Variants in LOXHD1 observed in about 807,000 individuals in gnomAD.
LOXHD1 encodes the protein lipoxygenase homology PLAT domains 1.
A neutral mutation model predicts 248.2 loss-of-function variants in LOXHD1; 205 were observed. That is an observed-to-expected ratio of 0.83 (90% CI 0.74 to 0.93). LOXHD1 has a LOEUF of 0.93. Ranked by LOEUF, LOXHD1 falls within the 40% of genes least tolerant of loss-of-function variation. LOXHD1 has a pLI of 0.00. For synonymous variants in LOXHD1, 1,113 were observed against 1,162.8 expected (o/e 0.96, Z 0.87); for missense variants, 2,930 against 2,971.6 (o/e 0.99, Z 0.33).
rs866722025 is a variant in LOXHD1 at position 46,542,844 on chromosome 18, G to A, written c.3631C>T (p.Leu1211=). Residue 1211 remains leucine (L), a synonymous_variant, in exon 24 of 41, where the codon CTG becomes TTG. Coordinates refer to ENST00000642948, the MANE Select transcript of LOXHD1 (RefSeq NM_001384474.1). ...TCGCTGTTTGTCTTGGAGGACTTCA[G>A]GAGGGTCATTCCTGTGGATCAGATG... ...GTQDDTGMTL[L]KSSKTNSDKF... is the part of the protein sequence containing the mutation. The A allele has an allele frequency of 1.3e-6, 2 of 1,551,548 alleles. No homozygotes were observed. Among genetic ancestry groups the A allele is most frequent in the African/African-American group, 1.4e-5 (1 of 73,010 alleles).
At chr18:46,545,715 C>T (rs566186372) in intron 22 of LOXHD1, among the ~76,000 whole-genome samples, 3 of 142,008 alleles carry the variant, frequency 2.1e-5, no homozygotes, top group Admixed American at 7.0e-5. Flanking sequence ...CTGCAAGCTC[C>T]GCCTCCCGGG....
At chr18:46,533,695 G>A (rs532227622) in intron 27 of LOXHD1, 15 of 327,896 alleles carry the variant, frequency 4.6e-5, no homozygotes, top group African/African-American at 1.8e-4. Flanking sequence ...AGGCCAAGGC[G>A]GGTGGATTAC....
chr18:46,566,940 CTA>C (rs1284566394), intron 16 of LOXHD1, among the ~76,000 whole-genome samples: 7 of 152,230 alleles, frequency 4.6e-5, no homozygotes, highest in African/African-American at 1.4e-4. Flanking sequence ...AGGTGACAGA[CTA>C]TGCAGGCAAC....
At chr18:46,486,008 C>G (rs528065598) in intron 38 of LOXHD1, among the ~76,000 whole-genome samples, 5 of 151,974 alleles carry the variant, frequency 3.3e-5, no homozygotes, top group Non-Finnish European at 7.4e-5. Flanking sequence ...GGCTCACTGA[C>G]TCACCTCCTT....
chr18:46,505,994 T>G lies in LOXHD1; in HGVS notation c.5722A>C (p.Ile1908Leu), dbSNP rs781097312. 8 of 1,552,266 alleles carry G rather than the reference T, an allele frequency of 5.2e-6. No homozygotes were observed. The highest frequency in any genetic ancestry group is 7.0e-6 in the Non-Finnish European group (8 of 1,147,122). Residue 1908 changes from isoleucine to leucine, a missense_variant, in exon 37 of 41, where the codon ATC becomes CTC. Coordinates refer to ENST00000642948, the MANE Select transcript of LOXHD1 (RefSeq NM_001384474.1). ...GAGTDANVFI[I>L]IFGENGDSGT... ...CTATCCCCGTTCTCCCCGAAGATGA[T>G]GATGAACACGTTGGCATCAGTGCCT...
At position 46,546,981 on chromosome 18, in the gene LOXHD1, T is replaced by C. The variant is rs727503143; in HGVS notation, c.3428A>G (p.Asp1143Gly). The C allele has an allele frequency of 1.9e-6, 3 of 1,551,734 alleles. No homozygotes were observed. The highest frequency in any genetic ancestry group is 1.7e-6 in the Non-Finnish European group (2 of 1,146,982). ...GQLSRELLPV[D>G]ESYVLPQSEE... is the part of the protein sequence containing the mutation. ...GCTCTGTGGCAGCACATAGGACTCA[T>C]CCACTGGCAACAGCTCCCTGGACAG... Residue 1143 changes from aspartate to glycine, a missense_variant, in exon 22 of 41, where the codon GAT becomes GGT. Asp to Gly is a moderately conservative substitution (Grantham distance 94). Transcript: ENST00000642948.
chr18:46,550,226 T>C (rs1268398311), intron 21 of LOXHD1, among the ~76,000 whole-genome samples: 1 of 152,214 alleles, frequency 6.6e-6, no homozygotes, highest in Non-Finnish European at 1.5e-5. Flanking sequence ...ACACTGAATT[T>C]TTAGGTTATT....
At chr18:46,519,742 G>A (rs2035472194) in intron 33 of LOXHD1, among the ~76,000 whole-genome samples, 1 of 152,142 alleles carries the variant, frequency 6.6e-6, no homozygotes, top group Non-Finnish European at 1.5e-5. Flanking sequence ...TGTGTTCTCT[G>A]CATCCATCTT....
intron 4 of LOXHD1, among the ~76,000 whole-genome samples, chr18:46,631,856 T>G (rs2038828697): frequency 6.6e-6 from 1 of 152,204 alleles, no homozygotes; most frequent in Non-Finnish European, 1.5e-5. Context: ...CCACAATCTC[T>G]GAACAGATTA....
chr18:46,514,509 A>G (rs2144031442), intron 34 of LOXHD1, among the ~76,000 whole-genome samples: 1 of 152,220 alleles, frequency 6.6e-6, no homozygotes, highest in East Asian at 1.9e-4. Context: ...CTAAGATTCA[A>G]GTGATAAAGA....
intron 12 of LOXHD1, among the ~76,000 whole-genome samples, chr18:46,586,308 G>A (rs170590): frequency 0.79 from 120,637 of 152,070 alleles, 48,411 homozygotes; most frequent in Non-Finnish European, 0.86. Context: ...GGAGATGAAA[G>A]TGTTCTGGAA....
At chr18:46,534,943 G>A (rs1013252369) in intron 26 of LOXHD1, among the ~76,000 whole-genome samples, 3 of 152,028 alleles carry the variant, frequency 2.0e-5, no homozygotes, top group Admixed American at 6.5e-5. Context: ...TCCTTGCCAC[G>A]GGGCCTTTGC....
chr18:46,538,410 C>A (rs2036412228), intron 25 of LOXHD1, 73 bp from the exon 26 acceptor site: 3 of 1,425,012 alleles, frequency 2.1e-6, no homozygotes, highest in South Asian at 1.2e-5. Context: ...AGAGCCAGTT[C>A]TTCACCAGCA....
intron 2 of LOXHD1, among the ~76,000 whole-genome samples, chr18:46,647,384 A>C (rs999006606): frequency 6.6e-6 from 1 of 152,214 alleles, no homozygotes; most frequent in African/African-American, 2.4e-5. Flanking sequence ...AAGGGGAAGA[A>C]TCTGAGGATG....
chr18:46,524,929 A>C lies in LOXHD1; in HGVS notation c.4531-12T>G. Reference sequence around the variant, plus strand: ...ATGAAGGTGTCAGCCTGGGGAGCCCAGATGTGGGGACTCATATGGGGGTGT... The same window carrying C: ...ATGAAGGTGTCAGCCTGGGGAGCCCCGATGTGGGGACTCATATGGGGGTGT... On this transcript the variant is annotated splice_polypyrimidine_tract_variant and intron_variant, in intron 29 of 40. Transcript: ENST00000642948. 6.4e-7 allele frequency: 1 copy of C among 1,551,494 alleles called. No homozygotes were observed. The highest frequency in any genetic ancestry group is 8.7e-7 in the Non-Finnish European group (1 of 1,146,952).
At chr18:46,626,903 G>A (rs1213141037) in intron 4 of LOXHD1, among the ~76,000 whole-genome samples, 5 of 152,192 alleles carry the variant, frequency 3.3e-5, no homozygotes, top group African/African-American at 4.8e-5. Flanking sequence ...TAGATAGATA[G>A]GTGGATGGAT....
In LOXHD1 at chr18:46,477,595, C is replaced by T. The variant is rs1218049916; in HGVS notation, c.6699G>A (p.Leu2233=). 6.4e-7 allele frequency: 1 copy of T among 1,551,754 alleles called. No individual in the cohort carries two copies. The highest frequency in any genetic ancestry group is 8.7e-7 in the Non-Finnish European group (1 of 1,147,016). The change falls in exon 41 of 41, where the codon CTG becomes CTA. Residue 2233 remains leucine (L), a synonymous_variant. Coordinates refer to ENST00000642948, the MANE Select transcript of LOXHD1 (RefSeq NM_001384474.1). ...HDSSGYCSGW[L]VEKVEVTNTS... ...TGTTGGTGACCTCCACCTTCTCCAC[C>T]AGCCAGCCTGAGCAGTAGCCACTGC...
chr18:46,509,681 G>A lies in LOXHD1; in HGVS notation c.5517+17C>T. Reference sequence around the variant, plus strand: ...GGGTGGTGGCTGGAAGGAAGAGTGAGGGTCTAGACATTTTACCCTCTCCAG... The same window carrying A: ...GGGTGGTGGCTGGAAGGAAGAGTGAAGGTCTAGACATTTTACCCTCTCCAG... On this transcript the variant is annotated intron_variant, in intron 35 of 40. Coordinates refer to ENST00000642948, the MANE Select transcript of LOXHD1 (RefSeq NM_001384474.1). 3.9e-6 allele frequency: 6 copies of A among 1,527,372 alleles called. No individual in the cohort carries two copies. The highest frequency in any genetic ancestry group is 5.3e-6 in the Non-Finnish European group (6 of 1,124,862). 94.6% of individuals were successfully genotyped at this position (1,527,372 alleles called of 1,614,324 possible).
intron 37 of LOXHD1, among the ~76,000 whole-genome samples, chr18:46,498,315 A>G (rs1201406247): frequency 6.6e-6 from 1 of 152,078 alleles, no homozygotes. Flanking sequence ...AATATTTTCC[A>G]CCCAGTAGCA....
Sources: allele counts gnomAD v4.1 joint callset (sites outside exome capture counted in the v4.1 genomes callset), GRCh38; gene constraint gnomAD v4.1.1; transcripts MANE v1.5; gene names NCBI Gene and HGNC (gene_info 2026-07-23, HGNC 2026-07-21).